The following NTM variants were observed in gnomAD, a reference collection of about 807,000 sequenced individuals.
The protein encoded by NTM is IgLON family member 2.
A neutral mutation model predicts 42.1 loss-of-function variants in NTM; 13 were observed. The ratio of observed to expected loss-of-function variants is 0.31; its 90% CI spans 0.20 to 0.49. The LOEUF (loss-of-function observed/expected upper bound fraction) is 0.49. Among genes scored for constraint, NTM ranks in the 20% least tolerant of loss-of-function variants. The pLI is 0.99. For synonymous variants in NTM, 187 were observed against 179.2 expected (o/e 1.04, Z -0.35); for missense variants, 373 against 452.8 (o/e 0.82, Z 1.60).
chr11:131,466,356 T>TCTTATTACAC (rs1276017086), intron 1 of NTM, among the ~76,000 whole-genome samples: 1 of 151,436 alleles, frequency 6.6e-6, no homozygotes, highest in Non-Finnish European at 1.5e-5. Flanking sequence ...CTTACCACAA[T>TCTTATTACAC]CTTATTACAA....
chr11:132,096,379 T>C (rs1591486034), intron 2 of NTM, among the ~76,000 whole-genome samples: 1 of 152,148 alleles, frequency 6.6e-6, no homozygotes. Flanking sequence ...CCGCTCACAA[T>C]GGGCGAGAGT....
intron 2 of NTM, among the ~76,000 whole-genome samples, chr11:132,022,548 T>G (rs778854467): frequency 1.2e-4 from 18 of 147,180 alleles, no homozygotes; most frequent in Non-Finnish European, 2.6e-4. Context: ...TGTGCTCAAC[T>G]AAGAGCCCTC....
intron 8 of NTM, among the ~76,000 whole-genome samples, chr11:132,331,352 T>C (rs1221072125): frequency 6.6e-6 from 1 of 152,178 alleles, no homozygotes; most frequent in Admixed American, 6.5e-5. Context: ...TTTGCTTCTA[T>C]GTAGATAGAC....
At chr11:131,666,332 G>C (rs2069042463) in intron 1 of NTM, among the ~76,000 whole-genome samples, 1 of 152,198 alleles carries the variant, frequency 6.6e-6, no homozygotes, top group African/African-American at 2.4e-5. Flanking sequence ...ATAATTGCCA[G>C]AGGGTTCCTT....
intron 3 of NTM, among the ~76,000 whole-genome samples, chr11:132,202,737 TA>T (rs2081347990): frequency 6.6e-6 from 1 of 152,190 alleles, no homozygotes; most frequent in African/African-American, 2.4e-5. Flanking sequence ...CAGGAATGAC[TA>T]AAACTCGGTC....
In NTM at chr11:131,370,666, G is replaced by A. The variant is rs1293066955; in HGVS notation, c.-141G>A. The A allele has an allele frequency of 3.0e-6, 2 of 671,890 alleles. No individual in the cohort carries two copies. The highest frequency in any genetic ancestry group is 5.0e-6 in the Non-Finnish European group (2 of 396,456). 41.6% of individuals were successfully genotyped at this position (671,890 alleles called of 1,614,324 possible). ...GAAGTCATACTCTCTCACACCCTCGGCTTTCTTGTTGTGTCCTTCAGCAAA... is the reference window on the plus strand; with the variant it reads ...GAAGTCATACTCTCTCACACCCTCGACTTTCTTGTTGTGTCCTTCAGCAAA... On this transcript the variant is annotated 5_prime_UTR_variant, in exon 1 of 9. Coordinates refer to ENST00000683400, the MANE Select transcript of NTM (RefSeq NM_001352005.2).
intron 2 of NTM, among the ~76,000 whole-genome samples, chr11:132,123,839 C>A (rs1440577773): frequency 1.3e-5 from 2 of 152,112 alleles, no homozygotes; most frequent in Non-Finnish European, 2.9e-5. Context: ...GCACAGCCTT[C>A]CCCCAGATTC....
intron 1 of NTM, among the ~76,000 whole-genome samples, chr11:131,520,684 T>C (rs1229890730): frequency 6.6e-6 from 1 of 152,178 alleles, no homozygotes; most frequent in African/African-American, 2.4e-5. Context: ...TGCCAGTCAT[T>C]GTTGGCATGA....
chr11:131,481,783 C>T (rs774442131), intron 1 of NTM, among the ~76,000 whole-genome samples: 4 of 152,144 alleles, frequency 2.6e-5, no homozygotes, highest in African/African-American at 9.7e-5. Flanking sequence ...TGTAGCCACA[C>T]AGCCCCACCT....
At chr11:131,717,941 A>C (rs1675805125) in intron 1 of NTM, among the ~76,000 whole-genome samples, 1 of 152,140 alleles carries the variant, frequency 6.6e-6, no homozygotes, top group African/African-American at 2.4e-5. Flanking sequence ...AGTTTGTCAA[A>C]TGCTTTCGTC....
At chr11:132,226,081 T>C (rs945785297) in intron 4 of NTM, among the ~76,000 whole-genome samples, 1 of 152,238 alleles carries the variant, frequency 6.6e-6, no homozygotes, top group Non-Finnish European at 1.5e-5. Context: ...ATGGTATATA[T>C]GTACCACATT....
At chr11:132,180,919 TAAAAG>T (rs1355333058) in intron 3 of NTM, among the ~76,000 whole-genome samples, 4 of 152,148 alleles carry the variant, frequency 2.6e-5, no homozygotes, top group East Asian at 1.9e-4. Context: ...GGGGAGAAGA[TAAAAG>T]AAGAAAGAAG....
In NTM at chr11:131,370,711, T is replaced by G; in HGVS notation, c.-96T>G. ...AGCAAAACAGTGGATTTAAATCTCC[T>G]TGCACAAGCTTGAGAGCAACACAAT... On this transcript the variant is annotated 5_prime_UTR_variant, in exon 1 of 9. Coordinates refer to ENST00000683400, the MANE Select transcript of NTM (RefSeq NM_001352005.2). The G allele has an allele frequency of 9.4e-7, 1 of 1,059,168 alleles. No homozygotes were observed. Among genetic ancestry groups the G allele is most frequent in the Non-Finnish European group, 1.4e-6 (1 of 719,444 alleles). 65.6% of individuals were successfully genotyped at this position (1,059,168 alleles called of 1,614,324 possible). A position where few individuals can be genotyped will look rare whatever the true frequency, so the allele number is the denominator to read the frequency against.
intron 1 of NTM, among the ~76,000 whole-genome samples, chr11:131,817,516 G>C (rs1360368191): frequency 6.6e-6 from 1 of 152,144 alleles, no homozygotes; most frequent in Non-Finnish European, 1.5e-5. Context: ...CACCTCAGGG[G>C]CTCCTCTCCC....
At chr11:132,323,554 A>T (rs1193564568) in intron 7 of NTM, among the ~76,000 whole-genome samples, 2 of 151,960 alleles carry the variant, frequency 1.3e-5, no homozygotes, top group African/African-American at 2.4e-5. Flanking sequence ...AACCAAAAAG[A>T]GTCCAGGACC....
At chr11:131,993,367 T>C (rs1219837120) in intron 2 of NTM, among the ~76,000 whole-genome samples, 2 of 152,100 alleles carry the variant, frequency 1.3e-5, no homozygotes, top group East Asian at 1.9e-4. Context: ...AAGGAATGCA[T>C]CTAGAACAAG....
At chr11:132,325,403 A>G (rs551142013) in intron 7 of NTM, among the ~76,000 whole-genome samples, 112 of 152,360 alleles carry the variant, frequency 7.4e-4, no homozygotes, top group African/African-American at 2.6e-3. Flanking sequence ...GCAGCCAAAA[A>G]ACACATGAAT....
intron 2 of NTM, among the ~76,000 whole-genome samples, chr11:132,078,783 CA>C (rs935349365): frequency 6.6e-6 from 1 of 152,188 alleles, no homozygotes. Flanking sequence ...CTTAACTCAT[CA>C]AAATGTTGTT....
intron 1 of NTM, among the ~76,000 whole-genome samples, chr11:131,882,649 C>A (rs561537984): frequency 2.0e-5 from 3 of 152,020 alleles, no homozygotes; most frequent in African/African-American, 4.8e-5. Context: ...TTGGACTGAG[C>A]CTTCCATGAT....
Sources: allele counts gnomAD v4.1 joint callset (sites outside exome capture counted in the v4.1 genomes callset), GRCh38; gene constraint gnomAD v4.1.1; transcripts MANE v1.5; gene names NCBI Gene and HGNC (gene_info 2026-07-23, HGNC 2026-07-21).